The following FRK variants were observed in gnomAD, a reference collection of about 807,000 sequenced individuals.
FRK encodes the protein tyrosine-protein kinase FRK.
Under a neutral mutation model 56.4 loss-of-function variants are expected in FRK, and 51 were observed. The ratio of observed to expected loss-of-function variants is 0.90; its 90% CI spans 0.72 to 1.14. The LOEUF is 1.14. FRK is among the 50% of genes most tolerant of loss of function. The pLI is 0.00. For synonymous variants in FRK, 245 were observed against 217.9 expected (o/e 1.12, Z -1.10); for missense variants, 570 against 601.4 (o/e 0.95, Z 0.55).
intron 1 of FRK, among the ~76,000 whole-genome samples, chr6:116,021,450 G>A (rs1254797646): frequency 6.6e-6 from 1 of 152,070 alleles, no homozygotes; most frequent in Non-Finnish European, 1.5e-5. Context: ...CAAAGGTTAT[G>A]AGTAAAAAGA....
chr6:115,994,100 T>C (rs890086583), intron 2 of FRK, among the ~76,000 whole-genome samples: 1 of 152,174 alleles, frequency 6.6e-6, no homozygotes, highest in South Asian at 2.1e-4. Flanking sequence ...TAGTTTGAGA[T>C]ATTCAGGGTT....
chr6:115,969,096 A>G (rs1773704127), intron 2 of FRK, among the ~76,000 whole-genome samples: 1 of 152,216 alleles, frequency 6.6e-6, no homozygotes, highest in African/African-American at 2.4e-5. Context: ...CACAGTATCC[A>G]TAAGATAAAA....
At chr6:116,018,894 G>A (rs1472866174) in intron 1 of FRK, among the ~76,000 whole-genome samples, 1 of 152,118 alleles carries the variant, frequency 6.6e-6, no homozygotes, top group African/African-American at 2.4e-5. Flanking sequence ...GAGACCTGCT[G>A]TTGGAAAGAG....
chr6:116,056,226 G>A (rs1777394938), intron 1 of FRK, among the ~76,000 whole-genome samples: 1 of 149,502 alleles, frequency 6.7e-6, no homozygotes, highest in Non-Finnish European at 1.5e-5. Flanking sequence ...TTGGTTGGTG[G>A]GGATTCGAGA....
intron 1 of FRK, among the ~76,000 whole-genome samples, chr6:116,047,460 C>T: frequency 6.9e-6 from 1 of 145,398 alleles, no homozygotes; most frequent in Non-Finnish European, 1.5e-5. Flanking sequence ...TGCAGTGGCT[C>T]AATCTCCACC....
At chr6:115,968,366 C>T (rs577321162) in intron 3 of FRK, among the ~76,000 whole-genome samples, 1 of 152,180 alleles carries the variant, frequency 6.6e-6, no homozygotes, top group African/African-American at 2.4e-5. Context: ...AAAGAAAACT[C>T]ATATATGAAT....
chr6:116,026,443 C>T lies in FRK; in HGVS notation c.345-22445G>A, dbSNP rs73770702. Among the ~76,000 whole-genome samples, 636 of 143,064 alleles carry T rather than the reference C, an allele frequency of 4.4e-3. 6 individuals are homozygous for T. Among genetic ancestry groups the T allele is most frequent in the African/African-American group, 0.016 (617 of 39,312 alleles). 93.9% of individuals were successfully genotyped at this position (143,064 alleles called of 152,430 possible). ...TCCGGCTAGGCAAAGAGTTCCTAGA[C>T]GTGACACCAAAAGTATGATTCATAA... On this transcript the variant is annotated intron_variant, in intron 1 of 7. Transcript: ENST00000606080.
chr6:116,052,896 A>G (rs1777233508), intron 1 of FRK, among the ~76,000 whole-genome samples: 1 of 152,192 alleles, frequency 6.6e-6, no homozygotes, highest in Non-Finnish European at 1.5e-5. Context: ...AGGAGCTGCC[A>G]ACTAAATGAA....
chr6:116,024,708 C>G (rs373965201), intron 1 of FRK, among the ~76,000 whole-genome samples: 1 of 152,192 alleles, frequency 6.6e-6, no homozygotes, highest in East Asian at 1.9e-4. Context: ...CTATTGTGAA[C>G]AGTGCCACAA....
Position 115,933,464 on chromosome 6 carries a change from G to C in FRK, c.*8950C>G, listed in dbSNP as rs967306217. The C allele has an allele frequency of 1.3e-5, 2 of 151,956 alleles. No homozygotes were observed. Among genetic ancestry groups the C allele is most frequent in the African/African-American group, 4.8e-5 (2 of 41,364 alleles). The allele number at this position is 151,956 out of a possible 1,614,324, so 9.4% of individuals were successfully genotyped here. A position where few individuals can be genotyped will look rare whatever the true frequency, so the allele number is the denominator to read the frequency against. Reference sequence around the variant, plus strand: ...CATTATTTTTCTCCATGATCCATCAGGTAAAAACAAGAATAATAGATTGCT... The same window carrying C: ...CATTATTTTTCTCCATGATCCATCACGTAAAAACAAGAATAATAGATTGCT... On this transcript the variant is annotated 3_prime_UTR_variant, in exon 8 of 8. Transcript: ENST00000606080.
chr6:116,004,949 C>T (rs1443812050), intron 1 of FRK, among the ~76,000 whole-genome samples: 1 of 151,648 alleles, frequency 6.6e-6, no homozygotes, highest in East Asian at 1.9e-4. Flanking sequence ...AATGTAAACA[C>T]TCCAAGAGAA....
chr6:116,021,947 A>C (rs912771283), intron 1 of FRK, among the ~76,000 whole-genome samples: 1 of 152,002 alleles, frequency 6.6e-6, no homozygotes, highest in Admixed American at 6.6e-5. Flanking sequence ...ATTGTTCAAG[A>C]AAAAAATCAA....
chr6:116,068,814 C>A, the FRK span, among the ~76,000 whole-genome samples: 9,008 of 151,420 alleles, frequency 0.059, 397 homozygotes, highest in Admixed American at 0.14. Context: ...CCCTTACTTG[C>A]AAGTATATCA....
chr6:116,029,747 T>A (rs1476222405), intron 1 of FRK, among the ~76,000 whole-genome samples: 3 of 152,106 alleles, frequency 2.0e-5, no homozygotes, highest in African/African-American at 4.8e-5. Context: ...TTTTCTGAGG[T>A]CAAATTAGCA....
At chr6:116,024,548 G>A (rs1776011656) in intron 1 of FRK, among the ~76,000 whole-genome samples, 1 of 152,092 alleles carries the variant, frequency 6.6e-6, no homozygotes, top group Admixed American at 6.6e-5. Context: ...AGTTTACTGA[G>A]AATGATGATT....
chr6:116,099,975 C>A, the FRK span, among the ~76,000 whole-genome samples: 1 of 152,184 alleles, frequency 6.6e-6, no homozygotes, highest in Non-Finnish European at 1.5e-5. Flanking sequence ...TGCCCTAAGG[C>A]ATACATTGTA....
the FRK span, among the ~76,000 whole-genome samples, chr6:116,092,914 G>C: frequency 6.6e-6 from 1 of 152,116 alleles, no homozygotes; most frequent in African/African-American, 2.4e-5. Flanking sequence ...CTGAAAAAGA[G>C]GCAGCTCATT....
intron 2 of FRK, among the ~76,000 whole-genome samples, chr6:115,994,271 C>T (rs1774737909): frequency 6.7e-6 from 1 of 149,910 alleles, no homozygotes; most frequent in African/African-American, 2.4e-5. Flanking sequence ...GAATTGGGGT[C>T]CTAGAAGATA....
the FRK span, among the ~76,000 whole-genome samples, chr6:116,087,576 T>C: frequency 1.3e-5 from 2 of 152,252 alleles, no homozygotes; most frequent in Admixed American, 1.3e-4. Context: ...TCCACTGAGT[T>C]GTATTACTTT....
Sources: allele counts gnomAD v4.1 joint callset (sites outside exome capture counted in the v4.1 genomes callset), GRCh38; gene constraint gnomAD v4.1.1; transcripts MANE v1.5; gene names NCBI Gene and HGNC (gene_info 2026-07-23, HGNC 2026-07-21).